SLC9B1: variants seen among roughly 807,000 people sequenced by gnomAD.
The protein encoded by SLC9B1 is sodium/hydrogen exchanger 9B1.
Under a neutral mutation model 51.7 loss-of-function variants are expected in SLC9B1, and 32 were observed. The observed-to-expected ratio is 0.62, with a 90% CI of 0.47 to 0.83. SLC9B1 has a LOEUF of 0.83. Among genes scored for constraint, SLC9B1 ranks in the 40% least tolerant of loss-of-function variants. The probability of loss-of-function intolerance (pLI) is 0.00; values close to 1 mark genes in which losing one functional copy is unlikely to be tolerated. For missense variants in SLC9B1, 406 were observed against 613.2 expected (o/e 0.66, Z 3.57); for synonymous variants, 145 against 212.7 (o/e 0.68, Z 2.77).
At chr4:102,991,621 C>G in intron 2 of SLC9B1, 22 bp downstream of exon 2, 1 of 1,480,354 alleles carries the variant, frequency 6.8e-7, no homozygotes, top group Non-Finnish European at 9.2e-7. Context: ...TCATATATTA[C>G]AGTATACTTT....
chr4:102,918,518 G>A (rs1265425655), intron 7 of SLC9B1, among the ~76,000 whole-genome samples: 2 of 152,186 alleles, frequency 1.3e-5, no homozygotes, highest in African/African-American at 2.4e-5. Context: ...CTTTGCTATG[G>A]TCCAAATGTT....
intron 1 of SLC9B1, among the ~76,000 whole-genome samples, chr4:102,995,310 A>G (rs958134401): frequency 6.6e-6 from 1 of 152,210 alleles, no homozygotes; most frequent in East Asian, 1.9e-4. Flanking sequence ...CAGAAAATAA[A>G]TGAGGATCAT....
At chr4:103,005,137 C>T (rs1411082389) in intron 1 of SLC9B1, among the ~76,000 whole-genome samples, 2 of 151,638 alleles carry the variant, frequency 1.3e-5, no homozygotes, top group African/African-American at 4.9e-5. Flanking sequence ...TTAAAAGGCA[C>T]AGAATGGCAA....
intron 1 of SLC9B1, among the ~76,000 whole-genome samples, chr4:103,010,801 T>C (rs1394776001): frequency 6.6e-6 from 1 of 152,222 alleles, no homozygotes; most frequent in African/African-American, 2.4e-5. Flanking sequence ...CCTCATGACC[T>C]AGTCACCTCC....
chr4:103,003,998 A>G (rs1740659770), intron 1 of SLC9B1, among the ~76,000 whole-genome samples: 1 of 152,236 alleles, frequency 6.6e-6, no homozygotes, highest in Non-Finnish European at 1.5e-5. Flanking sequence ...CACAGATGAG[A>G]AATAACCAGC....
At chr4:103,006,261 A>C (rs1392205916) in intron 1 of SLC9B1, among the ~76,000 whole-genome samples, 1 of 152,056 alleles carries the variant, frequency 6.6e-6, no homozygotes, top group Non-Finnish European at 1.5e-5. Flanking sequence ...CCACAGCTAG[A>C]CTAACAAAGA....
At chr4:103,011,505 T>C (rs975893227) in intron 1 of SLC9B1, among the ~76,000 whole-genome samples, 4 of 152,304 alleles carry the variant, frequency 2.6e-5, no homozygotes, top group African/African-American at 7.2e-5. Context: ...ATTGCTCTTA[T>C]GGGGGCTCTC....
At chr4:102,919,446 T>C (rs936670843) in intron 7 of SLC9B1, among the ~76,000 whole-genome samples, 7 of 152,190 alleles carry the variant, frequency 4.6e-5, no homozygotes, top group South Asian at 2.1e-4. Context: ...GGTTCCAAGA[T>C]GGCCAAATAG....
intron 3 of SLC9B1, among the ~76,000 whole-genome samples, chr4:102,969,030 G>A (rs544616795): frequency 1.8e-4 from 28 of 152,322 alleles, no homozygotes; most frequent in South Asian, 1.7e-3. Context: ...AAAGCAGCTG[G>A]GAAGCTCGAA....
intron 3 of SLC9B1, among the ~76,000 whole-genome samples, chr4:102,981,018 A>G (rs538093875): frequency 6.6e-6 from 1 of 152,186 alleles, no homozygotes; most frequent in South Asian, 2.1e-4. Context: ...CCTCCTCTCA[A>G]TTCCTGACAA....
At chr4:103,000,696 T>C (rs1290195191) in intron 1 of SLC9B1, among the ~76,000 whole-genome samples, 1 of 152,222 alleles carries the variant, frequency 6.6e-6, no homozygotes, top group African/African-American at 2.4e-5. Context: ...ATGTAAAGGG[T>C]AGACTCCCAT....
intron 7 of SLC9B1, among the ~76,000 whole-genome samples, chr4:102,915,327 A>T (rs1304990337): frequency 6.6e-6 from 1 of 152,262 alleles, no homozygotes; most frequent in Non-Finnish European, 1.5e-5. Context: ...GTAAAGGTAA[A>T]TATATGAGTG....
chr4:102,918,195 A>G (rs1735683818), intron 7 of SLC9B1, among the ~76,000 whole-genome samples: 2 of 151,978 alleles, frequency 1.3e-5, no homozygotes, highest in African/African-American at 4.8e-5. Flanking sequence ...AGAAGACTCA[A>G]CTTCTTTTAG....
chr4:103,015,700 AC>A (rs1244842468), intron 1 of SLC9B1, among the ~76,000 whole-genome samples: 1 of 152,072 alleles, frequency 6.6e-6, no homozygotes, highest in East Asian at 1.9e-4. Context: ...CTCACTCTTT[AC>A]TAATCTTGCG....
At chr4:102,931,785 G>A (rs1736470291) in intron 7 of SLC9B1, among the ~76,000 whole-genome samples, 1 of 152,168 alleles carries the variant, frequency 6.6e-6, no homozygotes, top group Non-Finnish European at 1.5e-5. Context: ...TTTCAAAAAT[G>A]CCTATTAAAA....
intron 7 of SLC9B1, among the ~76,000 whole-genome samples, chr4:102,918,225 G>A (rs1343252898): frequency 5.3e-5 from 8 of 151,666 alleles, no homozygotes; most frequent in African/African-American, 1.9e-4. Flanking sequence ...AGAAGACATT[G>A]CAACAGATAT....
intron 3 of SLC9B1, among the ~76,000 whole-genome samples, chr4:102,972,427 G>A (rs1738814620): frequency 6.6e-6 from 1 of 152,138 alleles, no homozygotes; most frequent in South Asian, 2.1e-4. Flanking sequence ...TGTATTTTTA[G>A]TAGAGATGGG....
At chr4:102,962,830 G>A (rs539950168) in intron 3 of SLC9B1, 2 of 473,850 alleles carry the variant, frequency 4.2e-6, no homozygotes, top group Admixed American at 4.7e-5. Context: ...TGGATTCCTG[G>A]AAGTGGATCA....
chr4:102,938,863 G>C (rs1449401599), intron 6 of SLC9B1, among the ~76,000 whole-genome samples: 28 of 152,084 alleles, frequency 1.8e-4, no homozygotes, highest in Admixed American at 1.8e-3. Flanking sequence ...GGCTCTCTAA[G>C]ACACAGGCAA....
Sources: gnomAD v4.1 joint callset for allele counts (sites outside exome capture counted in the v4.1 genomes callset) on GRCh38, gnomAD v4.1.1 for gene constraint, MANE v1.5 for transcripts, NCBI Gene and HGNC (gene_info 2026-07-23, HGNC 2026-07-21) for gene names.